SH3BGRL2: variants seen among roughly 807,000 people sequenced by gnomAD.
SH3BGRL2 encodes the protein SH3 domain binding glutamate rich protein like 2.
A neutral mutation model predicts 14.8 loss-of-function variants in SH3BGRL2; 21 were observed. The ratio of observed to expected loss-of-function variants is 1.42; its 90% CI spans 1.01 to 2.05. The LOEUF (loss-of-function observed/expected upper bound fraction) is 2.05. Among genes scored for constraint, SH3BGRL2 ranks in the 30% most tolerant of loss-of-function variants. SH3BGRL2 has a pLI of 0.00. For missense variants in SH3BGRL2, 147 were observed against 130.8 expected, an observed-to-expected ratio of 1.12 and a Z score of -0.61; for synonymous variants, 50 against 47.8, an observed-to-expected ratio of 1.05 and a Z score of -0.19.
chr6:79,630,170 C>G (rs1024622351), upstream of SH3BGRL2, among the ~76,000 whole-genome samples: 22 of 152,110 alleles, frequency 1.4e-4, no homozygotes, highest in African/African-American at 5.1e-4. Context: ...ATTCCTACTA[C>G]AGAAATGGCT....
At chr6:79,631,590 C>A in intron 1 of SH3BGRL2, 84 bp downstream of exon 1, 1 of 1,170,308 alleles carries the variant, frequency 8.5e-7, no homozygotes, top group Non-Finnish European at 1.1e-6. Flanking sequence ...CACTGCGCGT[C>A]CTTGCGCTCA....
chr6:79,584,640 C>T, the SH3BGRL2 span, among the ~76,000 whole-genome samples: 1 of 151,928 alleles, frequency 6.6e-6, no homozygotes, highest in Non-Finnish European at 1.5e-5. Flanking sequence ...CAGATTTGAA[C>T]CAATTACACA....
intron 1 of SH3BGRL2, among the ~76,000 whole-genome samples, chr6:79,663,160 A>G (rs1176847830): frequency 6.6e-6 from 1 of 152,156 alleles, no homozygotes; most frequent in Non-Finnish European, 1.5e-5. Flanking sequence ...CTACTCGTCA[A>G]AGTCATTCTT....
chr6:79,696,471 C>T lies in SH3BGRL2; in HGVS notation c.232-14C>T. On this transcript the variant is annotated splice_polypyrimidine_tract_variant and intron_variant, in intron 2 of 3. Transcript: ENST00000369838. Reference sequence around the variant, plus strand: ...GCTTTTGTTGGTTTATTTTCTGCTTCCCTTTTTTTCTAGGATTATGACAGT... The same window carrying T: ...GCTTTTGTTGGTTTATTTTCTGCTTTCCTTTTTTTCTAGGATTATGACAGT... The T allele has an allele frequency of 6.4e-7, 1 of 1,552,012 alleles. No homozygotes were observed. Among genetic ancestry groups the T allele is most frequent in the Non-Finnish European group, 8.7e-7 (1 of 1,152,786 alleles).
At chr6:79,569,740 A>G in the SH3BGRL2 span, among the ~76,000 whole-genome samples, 1 of 152,166 alleles carries the variant, frequency 6.6e-6, no homozygotes, top group South Asian at 2.1e-4. Flanking sequence ...TGGTTTACAT[A>G]TGTATTAAGC....
the SH3BGRL2 span, among the ~76,000 whole-genome samples, chr6:79,600,780 AT>A: frequency 6.6e-6 from 1 of 152,162 alleles, no homozygotes; most frequent in Non-Finnish European, 1.5e-5. Flanking sequence ...AAAAGCACTT[AT>A]GTCTTTCATC....
intron 1 of SH3BGRL2, among the ~76,000 whole-genome samples, chr6:79,638,407 C>G (rs1768967309): frequency 6.6e-6 from 1 of 152,158 alleles, no homozygotes; most frequent in African/African-American, 2.4e-5. Flanking sequence ...CTGCAACAAA[C>G]ATGAGAGTGC....
the SH3BGRL2 span, among the ~76,000 whole-genome samples, chr6:79,615,191 G>T: frequency 6.6e-6 from 1 of 152,132 alleles, no homozygotes. Context: ...AGGCCCCTGG[G>T]TTATTTTAAG....
At chr6:79,658,451 G>A (rs1769469655) in intron 1 of SH3BGRL2, among the ~76,000 whole-genome samples, 1 of 152,176 alleles carries the variant, frequency 6.6e-6, no homozygotes, top group Non-Finnish European at 1.5e-5. Flanking sequence ...CTTCATCCAT[G>A]TCCCTGCAAA....
intron 2 of SH3BGRL2, among the ~76,000 whole-genome samples, chr6:79,687,662 A>G (rs987483757): frequency 2.0e-5 from 3 of 152,128 alleles, no homozygotes; most frequent in Admixed American, 6.5e-5. Flanking sequence ...CTTAGAGGCT[A>G]CCCTTCGGCT....
chr6:79,693,075 C>G (rs1179255914), intron 2 of SH3BGRL2, among the ~76,000 whole-genome samples: 5 of 151,456 alleles, frequency 3.3e-5, no homozygotes, highest in Non-Finnish European at 7.4e-5. Flanking sequence ...TCCTTCACAT[C>G]CCTTGTAAGT....
At chr6:79,566,800 A>G in the SH3BGRL2 span, among the ~76,000 whole-genome samples, 2 of 151,714 alleles carry the variant, frequency 1.3e-5, no homozygotes, top group African/African-American at 4.8e-5. Flanking sequence ...AAAACGCTGA[A>G]GTGGAAGGAT....
chr6:79,588,185 C>T, the SH3BGRL2 span, among the ~76,000 whole-genome samples: 1 of 149,622 alleles, frequency 6.7e-6, no homozygotes, highest in Non-Finnish European at 1.5e-5. Flanking sequence ...CCCAGCTACT[C>T]GGGAGGCTGA....
chr6:79,656,103 A>G (rs1769409342), intron 1 of SH3BGRL2, among the ~76,000 whole-genome samples: 1 of 152,252 alleles, frequency 6.6e-6, no homozygotes, highest in African/African-American at 2.4e-5. Context: ...AAAGAAATTC[A>G]TTTTAGCTTT....
the SH3BGRL2 span, among the ~76,000 whole-genome samples, chr6:79,560,591 C>T: frequency 5.3e-4 from 81 of 151,886 alleles, no homozygotes; most frequent in East Asian, 7.6e-3. Context: ...ATTATGGCAT[C>T]GATATTTGTG....
At chr6:79,605,712 A>G in the SH3BGRL2 span, among the ~76,000 whole-genome samples, 1 of 152,258 alleles carries the variant, frequency 6.6e-6, no homozygotes, top group East Asian at 1.9e-4. Flanking sequence ...CAACACATGA[A>G]AGTCAAAATG....
the SH3BGRL2 span, among the ~76,000 whole-genome samples, chr6:79,600,986 C>T: frequency 6.6e-6 from 1 of 152,082 alleles, no homozygotes; most frequent in Non-Finnish European, 1.5e-5. Context: ...GGAGTCCCCC[C>T]TCAAGCTCTC....
chr6:79,642,977 G>A (rs1358336497), intron 1 of SH3BGRL2, among the ~76,000 whole-genome samples: 3 of 152,180 alleles, frequency 2.0e-5, no homozygotes, highest in East Asian at 3.9e-4. Flanking sequence ...GTGGAAAAAT[G>A]TGGGAGACAG....
chr6:79,696,635 G>A (rs996148211), intron 3 of SH3BGRL2, 70 bp downstream of exon 3: 1 of 1,163,858 alleles, frequency 8.6e-7, no homozygotes, highest in African/African-American at 1.6e-5. Flanking sequence ...GATGTAGAGT[G>A]ACGGTGTTAG....
Sources: gnomAD v4.1 joint callset for allele counts (sites outside exome capture counted in the v4.1 genomes callset) on GRCh38, gnomAD v4.1.1 for gene constraint, MANE v1.5 for transcripts, NCBI Gene and HGNC (gene_info 2026-07-23, HGNC 2026-07-21) for gene names.